RALYL: variants seen among roughly 807,000 people sequenced by gnomAD.
The protein encoded by RALYL is RNA-binding Raly-like protein.
In RALYL, 29 loss-of-function variants were observed where a neutral mutation model predicts 35.1. The observed-to-expected ratio is 0.83, with a 90% CI of 0.61 to 1.13. The LOEUF is 1.13. Among genes scored for constraint, RALYL ranks in the 50% most tolerant of loss-of-function variants. The pLI, the probability that RALYL is intolerant of heterozygous loss-of-function variation, is 0.00. For missense variants in RALYL, 359 were observed against 360.4 expected, an observed-to-expected ratio of 1.00 and a Z score of 0.03; for synonymous variants, 120 against 127.6, an observed-to-expected ratio of 0.94 and a Z score of 0.40.
At chr8:84,250,792 G>A (rs1289242103) in intron 1 of RALYL, among the ~76,000 whole-genome samples, 2 of 152,010 alleles carry the variant, frequency 1.3e-5, no homozygotes, top group African/African-American at 4.8e-5. Context: ...AGATTTATCT[G>A]CAAATTAATG....
intron 1 of RALYL, among the ~76,000 whole-genome samples, chr8:84,308,261 CA>C (rs1439931018): frequency 1.3e-5 from 2 of 152,014 alleles, no homozygotes; most frequent in East Asian, 3.9e-4. Flanking sequence ...ACCATCTTGA[CA>C]AAAATTTAAA....
intron 1 of RALYL, chr8:84,185,132 G>A: frequency 4.0e-6 from 4 of 997,662 alleles, no homozygotes; most frequent in African/African-American, 1.6e-5. Context: ...TGCTGGTGTC[G>A]TCTTCCAGGG....
rs796285854 is a variant in RALYL, at chr8:84,246,213, TTC to T, written c.-24+61797_-24+61798del. On this transcript the variant is annotated intron_variant, in intron 1 of 8. Coordinates refer to ENST00000521268, the MANE Select transcript of RALYL (RefSeq NM_173848.7). ...TCCCTTCCTTCCTCACCCTGCCTCATTCTCTCTCTTTCCTTCCCTTTATTACT... is the reference window on the plus strand; with the variant it reads ...TCCCTTCCTTCCTCACCCTGCCTCATTCTCTCTTTCCTTCCCTTTATTACT... 3.9e-4 allele frequency among the ~76,000 whole-genome samples: 60 copies of T among 152,246 alleles called. 1 individual carries two copies. The highest frequency in any genetic ancestry group is 1.4e-3 in the African/African-American group (59 of 41,558).
intron 2 of RALYL, among the ~76,000 whole-genome samples, chr8:84,768,854 C>G (rs1375422778): frequency 6.6e-6 from 1 of 152,162 alleles, no homozygotes; most frequent in South Asian, 2.1e-4. Flanking sequence ...TTTTTTAATA[C>G]CTTTGAAAGG....
At chr8:84,511,987 G>A (rs2057665372) in intron 1 of RALYL, among the ~76,000 whole-genome samples, 1 of 152,118 alleles carries the variant, frequency 6.6e-6, no homozygotes, top group African/African-American at 2.4e-5. Flanking sequence ...ATTGTGAATA[G>A]CACTGCAGTA....
chr8:84,392,026 T>G (rs1860812614), intron 1 of RALYL, among the ~76,000 whole-genome samples: 1 of 152,048 alleles, frequency 6.6e-6, no homozygotes, highest in Non-Finnish European at 1.5e-5. Flanking sequence ...GCGGGCTGAT[T>G]GAGTGAGAGT....
intron 2 of RALYL, among the ~76,000 whole-genome samples, chr8:84,566,792 AG>A (rs1424547925): frequency 6.6e-6 from 1 of 151,738 alleles, no homozygotes; most frequent in Non-Finnish European, 1.5e-5. Flanking sequence ...TTCTAAAACC[AG>A]TAATTACTTG....
intron 1 of RALYL, among the ~76,000 whole-genome samples, chr8:84,491,053 A>G (rs902222018): frequency 3.9e-5 from 6 of 151,926 alleles, no homozygotes; most frequent in Non-Finnish European, 8.8e-5. Flanking sequence ...TTTTTGCCCA[A>G]AGTGACAATA....
At chr8:84,412,473 T>A (rs561827543) in intron 1 of RALYL, among the ~76,000 whole-genome samples, 1 of 151,910 alleles carries the variant, frequency 6.6e-6, no homozygotes, top group Non-Finnish European at 1.5e-5. Context: ...AGCAGGACAT[T>A]TTTTGGTCTG....
At chr8:84,372,670 G>A (rs1376469008) in intron 1 of RALYL, among the ~76,000 whole-genome samples, 3 of 151,898 alleles carry the variant, frequency 2.0e-5, no homozygotes, top group Non-Finnish European at 4.4e-5. Flanking sequence ...ATGAGTTCCA[G>A]CCAACAAAGT....
At chr8:84,565,956 A>G (rs184744007) in intron 2 of RALYL, among the ~76,000 whole-genome samples, 198 of 151,764 alleles carry the variant, frequency 1.3e-3, no homozygotes, top group Non-Finnish European at 2.5e-3. Context: ...TCCTCCAACT[A>G]AAGATGAAAT....
intron 1 of RALYL, among the ~76,000 whole-genome samples, chr8:84,298,005 C>T (rs2132318699): frequency 6.6e-6 from 1 of 152,072 alleles, no homozygotes; most frequent in East Asian, 1.9e-4. Context: ...TCTGTTGATA[C>T]TTTCTTATGC....
chr8:84,793,533 G>A (rs1821274145), intron 3 of RALYL, among the ~76,000 whole-genome samples: 2 of 152,176 alleles, frequency 1.3e-5, no homozygotes, highest in South Asian at 4.1e-4. Flanking sequence ...ATCTCAGAGA[G>A]CATTCCAGGA....
intron 1 of RALYL, among the ~76,000 whole-genome samples, chr8:84,227,052 A>ATTTTT (rs1554580116): frequency 7.0e-5 from 4 of 56,888 alleles, no homozygotes; most frequent in Admixed American, 1.8e-4. Context: ...AAAAAATTGT[A>ATTTTT]TTTCTTTTTT....
chr8:84,501,358 T>A (rs1436614688), intron 1 of RALYL, among the ~76,000 whole-genome samples: 1 of 152,134 alleles, frequency 6.6e-6, no homozygotes, highest in African/African-American at 2.4e-5. Context: ...ACATAGATTT[T>A]CTAGAACACT....
At chr8:84,862,098 A>G (rs1382535320) in intron 5 of RALYL, among the ~76,000 whole-genome samples, 198 bp from the exon 6 acceptor site, 2 of 152,278 alleles carry the variant, frequency 1.3e-5, no homozygotes, top group African/African-American at 2.4e-5. Flanking sequence ...TCCAGAAAGC[A>G]TAGACTATAT....
At chr8:84,440,238 TTTTC>T (rs1399846278) in intron 1 of RALYL, among the ~76,000 whole-genome samples, 2 of 152,110 alleles carry the variant, frequency 1.3e-5, no homozygotes, top group African/African-American at 4.8e-5. Context: ...TATGCAAATA[TTTTC>T]TTTAAGTACT....
intron 2 of RALYL, among the ~76,000 whole-genome samples, chr8:84,766,566 TA>T (rs1279786118): frequency 6.9e-6 from 1 of 145,080 alleles, no homozygotes; most frequent in African/African-American, 2.6e-5. Context: ...AATAAATAAA[TA>T]AATAAAATTA....
intron 2 of RALYL, among the ~76,000 whole-genome samples, chr8:84,735,005 T>TTGTGTGTGTG (rs3068131): frequency 1.1e-4 from 16 of 146,666 alleles, no homozygotes; most frequent in Non-Finnish European, 2.4e-4. Flanking sequence ...ATAGATATGT[T>TTGTGTGTGTG]TGTGTGTGTG....
Sources: allele counts gnomAD v4.1 joint callset (sites outside exome capture counted in the v4.1 genomes callset), GRCh38; gene constraint gnomAD v4.1.1; transcripts MANE v1.5; gene names NCBI Gene and HGNC (gene_info 2026-07-23, HGNC 2026-07-21).